EXOC6: variants seen among roughly 807,000 people sequenced by gnomAD.
EXOC6 encodes the protein SEC15-like 1.
A neutral mutation model predicts 112.5 loss-of-function variants in EXOC6; 60 were observed. The observed-to-expected ratio is 0.53, with a 90% CI of 0.43 to 0.66. The LOEUF (loss-of-function observed/expected upper bound fraction) is 0.66, where lower values mean the gene tolerates loss of function less well. Among genes scored for constraint, EXOC6 ranks in the 30% least tolerant of loss-of-function variants. The probability of loss-of-function intolerance (pLI) is 0.00; values close to 1 mark genes in which losing one functional copy is unlikely to be tolerated. For missense variants in EXOC6, 855 were observed against 957.1 expected (o/e 0.89, Z 1.41); for synonymous variants, 295 against 308.0 (o/e 0.96, Z 0.44).
chr10:92,862,083 T>A (rs1368027012), intron 1 of EXOC6, among the ~76,000 whole-genome samples: 2 of 152,194 alleles, frequency 1.3e-5, no homozygotes, highest in African/African-American at 2.4e-5. Context: ...ATCGTCTCTA[T>A]CTAGTTTTAA....
intron 1 of EXOC6, among the ~76,000 whole-genome samples, chr10:92,854,465 G>T (rs1847502436): frequency 6.6e-6 from 1 of 152,030 alleles, no homozygotes; most frequent in South Asian, 2.1e-4. Flanking sequence ...ACTATACCAT[G>T]TATTGGTAAG....
intron 12 of EXOC6, among the ~76,000 whole-genome samples, chr10:92,936,341 A>G (rs1001759011): frequency 6.6e-6 from 1 of 152,198 alleles, no homozygotes; most frequent in Non-Finnish European, 1.5e-5. Flanking sequence ...TGGGTTTATT[A>G]CTAATTTCAG....
intron 18 of EXOC6, among the ~76,000 whole-genome samples, chr10:92,983,117 G>A (rs576123250): frequency 4.6e-5 from 7 of 152,258 alleles, no homozygotes; most frequent in South Asian, 2.1e-4. Context: ...CCAATTAACC[G>A]CTATTGTGAA....
chr10:92,933,391 A>G (rs1247154742), intron 9 of EXOC6, among the ~76,000 whole-genome samples: 2 of 152,194 alleles, frequency 1.3e-5, no homozygotes, highest in Non-Finnish European at 2.9e-5. Context: ...ATGGACCATT[A>G]TTAAAAATTT....
At chr10:92,926,522 G>T (rs1221848984) in intron 8 of EXOC6, among the ~76,000 whole-genome samples, 1 of 146,548 alleles carries the variant, frequency 6.8e-6, no homozygotes, top group Non-Finnish European at 1.5e-5. Flanking sequence ...GAGGAGAAAA[G>T]AAAAATAAAA....
At chr10:92,852,780 A>G (rs746937691) in intron 1 of EXOC6, among the ~76,000 whole-genome samples, 3 of 152,198 alleles carry the variant, frequency 2.0e-5, no homozygotes, top group African/African-American at 4.8e-5. Context: ...AAAACAGGGC[A>G]TCTATGAAAA....
At chr10:92,848,433 G>GCCCCCCCCCC, upstream of EXOC6, 18 of 855,808 alleles carry the variant, frequency 2.1e-5, no homozygotes, top group Admixed American at 6.0e-5. Context: ...CGGCCCGAGC[G>GCCCCCCCCCC]CCCCGCCCCC....
At chr10:92,894,341 G>C (rs1348314115) in intron 2 of EXOC6, among the ~76,000 whole-genome samples, 1 of 152,164 alleles carries the variant, frequency 6.6e-6, no homozygotes, top group Non-Finnish European at 1.5e-5. Flanking sequence ...TGTTGCTGTG[G>C]ATTGAAATTT....
intron 19 of EXOC6, among the ~76,000 whole-genome samples, chr10:92,998,762 G>A (rs895944852): frequency 7.9e-5 from 12 of 151,910 alleles, no homozygotes; most frequent in Non-Finnish European, 1.6e-4. Flanking sequence ...GGAAGAGAAA[G>A]ATTAATTTTC....
chr10:93,010,093 T>G (rs1844171649), intron 19 of EXOC6, among the ~76,000 whole-genome samples: 1 of 152,164 alleles, frequency 6.6e-6, no homozygotes, highest in South Asian at 2.1e-4. Flanking sequence ...TTGACTGCAG[T>G]TGAGTTTTAA....
chr10:93,009,769 G>A (rs1187545911), intron 19 of EXOC6, among the ~76,000 whole-genome samples: 1 of 152,214 alleles, frequency 6.6e-6, no homozygotes, highest in Admixed American at 6.5e-5. Context: ...GTTTGGTGTG[G>A]TATAGAAACT....
At chr10:92,953,554 G>T (rs77117418) in intron 15 of EXOC6, among the ~76,000 whole-genome samples, 1 of 152,132 alleles carries the variant, frequency 6.6e-6, no homozygotes, top group Admixed American at 6.5e-5. Context: ...CAGGGGAGAG[G>T]TGCTACTTGA....
At chr10:92,926,707 A>G (rs1384342590) in intron 8 of EXOC6, among the ~76,000 whole-genome samples, 1 of 151,740 alleles carries the variant, frequency 6.6e-6, no homozygotes, top group Admixed American at 6.6e-5. Context: ...CTGATTTTTA[A>G]ATTTTTTGTA....
intron 17 of EXOC6, among the ~76,000 whole-genome samples, chr10:92,970,487 C>G (rs1842252760): frequency 6.6e-6 from 1 of 152,136 alleles, no homozygotes; most frequent in African/African-American, 2.4e-5. Context: ...GATCCCGGAA[C>G]CAATCTCTTA....
Position 92,997,628 on chromosome 10 carries a change from T to C in EXOC6, c.2095+13T>C, listed in dbSNP as rs1564897584. The C allele has an allele frequency of 1.9e-6, 3 of 1,590,064 alleles. No homozygotes were observed. Among genetic ancestry groups the C allele is most frequent in the African/African-American group, 2.7e-5 (2 of 73,984 alleles). On this transcript the variant is annotated intron_variant, in intron 19 of 21. Transcript: ENST00000260762. Reference sequence around the variant, plus strand: ...ATACAGTGTGAATGTAAGTACTATATTGGTTTATTCTTATGTATTACTAGG... The same window carrying C: ...ATACAGTGTGAATGTAAGTACTATACTGGTTTATTCTTATGTATTACTAGG...
intron 1 of EXOC6, among the ~76,000 whole-genome samples, chr10:92,862,666 A>C (rs563150004): frequency 6.6e-6 from 1 of 152,178 alleles, no homozygotes; most frequent in Non-Finnish European, 1.5e-5. Flanking sequence ...ATGGACTGCT[A>C]TGTGGGCAAT....
intron 1 of EXOC6, among the ~76,000 whole-genome samples, chr10:92,884,936 A>T (rs771702273): frequency 1.3e-5 from 2 of 152,186 alleles, no homozygotes; most frequent in Non-Finnish European, 2.9e-5. Context: ...AGAATATAGC[A>T]TCTTTCCAAA....
chr10:92,904,796 T>C (rs1850353277), intron 5 of EXOC6, among the ~76,000 whole-genome samples: 1 of 152,048 alleles, frequency 6.6e-6, no homozygotes. Flanking sequence ...TGAAATTAAA[T>C]TGGAAAAGTC....
At chr10:92,867,660 T>A (rs114969266) in intron 1 of EXOC6, among the ~76,000 whole-genome samples, 3,345 of 152,226 alleles carry the variant, frequency 0.022, 56 homozygotes, top group African/African-American at 0.041. Flanking sequence ...AAAATGAATA[T>A]GTGCCAAAGA....
Sources: gnomAD v4.1 joint callset for allele counts (sites outside exome capture counted in the v4.1 genomes callset) on GRCh38, gnomAD v4.1.1 for gene constraint, MANE v1.5 for transcripts, NCBI Gene and HGNC (gene_info 2026-07-23, HGNC 2026-07-21) for gene names.